LMX1A: variants seen among roughly 807,000 people sequenced by gnomAD.
The protein encoded by LMX1A is LIM homeobox transcription factor 1-alpha.
LMX1A carries 15 observed loss-of-function variants against 49.1 expected under a neutral mutation model. That is an observed-to-expected ratio of 0.31 (90% CI 0.20 to 0.47). LMX1A has a LOEUF of 0.47. LMX1A is among the 20% of genes least tolerant of loss of function. LMX1A has a pLI of 1.00. For synonymous variants in LMX1A, 167 were observed against 185.7 expected (o/e 0.90, Z 0.82); for missense variants, 372 against 475.8 (o/e 0.78, Z 2.03).
chr1:165,319,043 C>CACA (rs1557883336), intron 3 of LMX1A, among the ~76,000 whole-genome samples: 14 of 138,082 alleles, frequency 1.0e-4, no homozygotes, highest in African/African-American at 3.9e-4. Flanking sequence ...ACACACACAC[C>CACA]CCAACTTCTT....
At chr1:165,270,196 T>A (rs947125256) in intron 3 of LMX1A, among the ~76,000 whole-genome samples, 5 of 152,176 alleles carry the variant, frequency 3.3e-5, no homozygotes, top group African/African-American at 1.2e-4. Context: ...CTTTGGTGCA[T>A]TCTTATAGAC....
intron 5 of LMX1A, 88 bp downstream of exon 5, chr1:165,213,553 C>T: frequency 1.6e-6 from 2 of 1,250,784 alleles, no homozygotes; most frequent in Non-Finnish European, 2.3e-6. Context: ...CCACTGTGAC[C>T]CCCAATGCCC....
chr1:165,234,110 T>C (rs1652334732), intron 4 of LMX1A, among the ~76,000 whole-genome samples: 1 of 152,190 alleles, frequency 6.6e-6, no homozygotes, highest in Non-Finnish European at 1.5e-5. Flanking sequence ...TCAAATAAGA[T>C]ATACAAAATC....
At chr1:165,320,508 G>T (rs1360495419) in intron 3 of LMX1A, among the ~76,000 whole-genome samples, 1 of 151,272 alleles carries the variant, frequency 6.6e-6, no homozygotes, top group Non-Finnish European at 1.5e-5. Flanking sequence ...GACTGTGTCT[G>T]CATTAAGCTT....
At chr1:165,303,715 A>G (rs1217523022) in intron 3 of LMX1A, among the ~76,000 whole-genome samples, 1 of 152,164 alleles carries the variant, frequency 6.6e-6, no homozygotes, top group Non-Finnish European at 1.5e-5. Flanking sequence ...ACAGGAATGT[A>G]AAGGGCCAAG....
chr1:165,227,215 C>G (rs752226188), intron 4 of LMX1A, among the ~76,000 whole-genome samples: 1 of 152,156 alleles, frequency 6.6e-6, no homozygotes, highest in African/African-American at 2.4e-5. Context: ...GCAGAGCTGA[C>G]AGAGTAGAGC....
intron 3 of LMX1A, among the ~76,000 whole-genome samples, chr1:165,250,640 A>C (rs1415100037): frequency 6.6e-6 from 1 of 152,232 alleles, no homozygotes; most frequent in African/African-American, 2.4e-5. Flanking sequence ...ATGCCAAGCC[A>C]AAAGCAGTAA....
intron 3 of LMX1A, among the ~76,000 whole-genome samples, chr1:165,341,589 AATATAT>A (rs5778445): frequency 6.8e-6 from 1 of 146,618 alleles, no homozygotes; most frequent in Non-Finnish European, 1.5e-5. Context: ...CAATAAACCA[AATATAT>A]ATATATATAT....
chr1:165,312,626 C>T (rs1358486943), intron 3 of LMX1A, among the ~76,000 whole-genome samples: 20 of 152,176 alleles, frequency 1.3e-4, no homozygotes, highest in Admixed American at 1.3e-3. Context: ...TATGTAGAGG[C>T]TCAGATGGAG....
At chr1:165,275,836 GGTGTGTGTGTATGTGT>G (rs1433263495) in intron 3 of LMX1A, among the ~76,000 whole-genome samples, 1 of 128,248 alleles carries the variant, frequency 7.8e-6, no homozygotes, top group Non-Finnish European at 1.7e-5. Context: ...ATGGCGCTGG[GGTGTGTGTGTATGTGT>G]GTGTGTGTGT....
intron 3 of LMX1A, among the ~76,000 whole-genome samples, chr1:165,331,645 G>A (rs746952656): frequency 1.4e-4 from 21 of 152,164 alleles, no homozygotes; most frequent in Non-Finnish European, 2.5e-4. Flanking sequence ...GGCCGGGCAC[G>A]GTGGCTCACA....
At chr1:165,328,470 T>C (rs1655649463) in intron 3 of LMX1A, among the ~76,000 whole-genome samples, 1 of 152,176 alleles carries the variant, frequency 6.6e-6, no homozygotes, top group Admixed American at 6.5e-5. Flanking sequence ...TACCTGAAAC[T>C]CTGTCCCAGT....
intron 3 of LMX1A, among the ~76,000 whole-genome samples, chr1:165,288,508 G>A (rs1654361915): frequency 6.6e-6 from 1 of 152,272 alleles, no homozygotes; most frequent in East Asian, 1.9e-4. Context: ...GCAACGTGAA[G>A]CCTGTGCTAG....
In LMX1A at chr1:165,318,999, TCACACACA is replaced by T. The variant is rs35582531; in HGVS notation, c.263+34069_263+34076del. Reference sequence around the variant, plus strand: ...CTGAGATCTCCTCTCTCTCTCTCTCTCACACACACACACACACACACACACACACACAC... The same window carrying T: ...CTGAGATCTCCTCTCTCTCTCTCTCTCACACACACACACACACACACACAC... On this transcript the variant is annotated intron_variant, in intron 3 of 8. Transcript: ENST00000342310. Among the ~76,000 whole-genome samples, 312 of 117,802 alleles carry T rather than the reference TCACACACA, an allele frequency of 2.6e-3. 1 individual carries two copies. The highest frequency in any genetic ancestry group is 9.2e-3 in the South Asian group (35 of 3,808). The allele number at this position is 117,802 out of a possible 152,430, so 77.3% of individuals were successfully genotyped here. A position where few individuals can be genotyped will look rare whatever the true frequency, so the allele number is the denominator to read the frequency against.
At chr1:165,326,890 G>T (rs1655600924) in intron 3 of LMX1A, among the ~76,000 whole-genome samples, 1 of 152,306 alleles carries the variant, frequency 6.6e-6, no homozygotes, top group Non-Finnish European at 1.5e-5. Context: ...AGTGGGTAGA[G>T]CCAGGGATGC....
intron 3 of LMX1A, among the ~76,000 whole-genome samples, chr1:165,331,688 G>A (rs983751800): frequency 1.7e-4 from 26 of 152,196 alleles, no homozygotes; most frequent in Admixed American, 2.6e-4. Context: ...AGGCCAAGGT[G>A]GGTGAATCCC....
At chr1:165,279,704 GATA>G (rs1654088519) in intron 3 of LMX1A, among the ~76,000 whole-genome samples, 1 of 152,092 alleles carries the variant, frequency 6.6e-6, no homozygotes, top group Non-Finnish European at 1.5e-5. Context: ...TTAGTGACTC[GATA>G]ATAATAAAAA....
At chr1:165,348,334 A>C (rs2101769745) in intron 3 of LMX1A, among the ~76,000 whole-genome samples, 1 of 152,304 alleles carries the variant, frequency 6.6e-6, no homozygotes, top group African/African-American at 2.4e-5. Flanking sequence ...CTTAGATTCC[A>C]AGAAAGTCTT....
At chr1:165,238,747 CCTG>C (rs1652538941) in intron 4 of LMX1A, among the ~76,000 whole-genome samples, 1 of 152,198 alleles carries the variant, frequency 6.6e-6, no homozygotes, top group South Asian at 2.1e-4. Context: ...GTCAGTGAAA[CCTG>C]AGAACAAAAC....
Sources: allele counts gnomAD v4.1 joint callset (sites outside exome capture counted in the v4.1 genomes callset), GRCh38; gene constraint gnomAD v4.1.1; transcripts MANE v1.5; gene names NCBI Gene and HGNC (gene_info 2026-07-23, HGNC 2026-07-21).